Variants in ZFHX3 observed in about 807,000 individuals in gnomAD.
ZFHX3 encodes zinc finger homeobox protein 3.
Under a neutral mutation model 279.1 loss-of-function variants are expected in ZFHX3, and 42 were observed. The observed-to-expected ratio is 0.15, with a 90% CI of 0.12 to 0.19. ZFHX3 has a LOEUF of 0.19. ZFHX3 is among the 10% of genes least tolerant of loss of function. ZFHX3 has a pLI of 1.00. For synonymous variants in ZFHX3, 2,293 were observed against 1,957.8 expected (o/e 1.17, Z -4.52); for missense variants, 4,981 against 4,754.0 (o/e 1.05, Z -1.40).
At chr16:73,371,509 G>A (rs903022246) in intron 3 of ZFHX3, among the ~76,000 whole-genome samples, 1 of 151,602 alleles carries the variant, frequency 6.6e-6, no homozygotes, top group Non-Finnish European at 1.5e-5. Flanking sequence ...TAAAAAAACC[G>A]AGTACCAGGT....
chr16:73,375,453 G>A (rs117310798), intron 3 of ZFHX3, among the ~76,000 whole-genome samples: 96 of 152,200 alleles, frequency 6.3e-4, no homozygotes, highest in Non-Finnish European at 1.1e-3. Context: ...GGATGTTAGG[G>A]TTGGTCACTG....
At chr16:73,507,101 G>C (rs1485174837) in intron 2 of ZFHX3, among the ~76,000 whole-genome samples, 3 of 152,152 alleles carry the variant, frequency 2.0e-5, no homozygotes, top group Non-Finnish European at 4.4e-5. Flanking sequence ...ACCCAGTCCA[G>C]TTTTAGCAAG....
chr16:73,405,909 C>G (rs564807183), intron 3 of ZFHX3, among the ~76,000 whole-genome samples: 2 of 152,316 alleles, frequency 1.3e-5, no homozygotes, highest in South Asian at 4.2e-4. Context: ...GTGGAACACC[C>G]ACAGCAAAAT....
chr16:73,047,457 A>G (rs1326763371), intron 1 of ZFHX3, among the ~76,000 whole-genome samples: 1 of 152,202 alleles, frequency 6.6e-6, no homozygotes, highest in Admixed American at 6.5e-5. Context: ...AAATGACACC[A>G]GTACCACAAG....
At chr16:73,632,418 C>T (rs548087373) in intron 2 of ZFHX3, among the ~76,000 whole-genome samples, 1 of 152,160 alleles carries the variant, frequency 6.6e-6, no homozygotes, top group African/African-American at 2.4e-5. Context: ...TGCGGTGGCT[C>T]ACGCCTGTAA....
chr16:73,261,666 TTG>T (rs1325037850), intron 4 of ZFHX3, among the ~76,000 whole-genome samples: 29 of 119,692 alleles, frequency 2.4e-4, no homozygotes, highest in African/African-American at 7.2e-4. Flanking sequence ...ATTCCTGTGA[TTG>T]TTTTTTTTTT....
chr16:73,834,202 T>C (rs1961077594), intron 1 of ZFHX3, among the ~76,000 whole-genome samples: 1 of 152,164 alleles, frequency 6.6e-6, no homozygotes, highest in African/African-American at 2.4e-5. Flanking sequence ...AGGAAATCAC[T>C]CTCTGGTCTT....
chr16:73,737,816 A>G lies in ZFHX3; in HGVS notation c.-1607-57576T>C, dbSNP rs144501458. Among the ~76,000 whole-genome samples the G allele has an allele frequency of 1.6e-4, 24 of 152,272 alleles. No individual in the cohort carries two copies. The East Asian group carries it at 4.6e-3, about 29-fold the overall frequency. The stretch of plus-strand genomic sequence containing the variant: ...CTGTGGTTTTGTTCTTTGGCTGCTC[A>G]TTAGCACCTCCCCCAGAGAGTGGGC... On this transcript the variant is annotated intron_variant, in intron 1 of 17. Coordinates refer to the ZFHX3 transcript ENST00000641206.
At chr16:73,773,399 T>G (rs1016256732) in intron 1 of ZFHX3, among the ~76,000 whole-genome samples, 1 of 152,224 alleles carries the variant, frequency 6.6e-6, no homozygotes, top group Non-Finnish European at 1.5e-5. Flanking sequence ...TCAGTGGAGA[T>G]GGAGAACAGA....
At chr16:72,936,371 G>A (rs1377465905) in intron 3 of ZFHX3, among the ~76,000 whole-genome samples, 1 of 152,242 alleles carries the variant, frequency 6.6e-6, no homozygotes, top group Non-Finnish European at 1.5e-5. Flanking sequence ...ATGGGGCAAC[G>A]TAGGTCTCTG....
intron 1 of ZFHX3, among the ~76,000 whole-genome samples, chr16:73,728,020 C>CCA (rs1555535437): frequency 5.5e-5 from 5 of 90,594 alleles, no homozygotes; most frequent in African/African-American, 7.7e-5. Flanking sequence ...ATTGTGCCCC[C>CCA]CCCCCGCCCC....
At chr16:73,144,692 G>T (rs918714865) in intron 5 of ZFHX3, among the ~76,000 whole-genome samples, 1 of 152,074 alleles carries the variant, frequency 6.6e-6, no homozygotes, top group African/African-American at 2.4e-5. Flanking sequence ...CCCTAACCTT[G>T]AATAATATTC....
chr16:73,832,440 C>T (rs1382254496), intron 1 of ZFHX3, among the ~76,000 whole-genome samples: 1 of 152,096 alleles, frequency 6.6e-6, no homozygotes, highest in Non-Finnish European at 1.5e-5. Flanking sequence ...GGATAGAAGA[C>T]TGAAAAAAGC....
chr16:73,205,682 C>A (rs2011771082), intron 5 of ZFHX3, among the ~76,000 whole-genome samples: 1 of 152,096 alleles, frequency 6.6e-6, no homozygotes, highest in Non-Finnish European at 1.5e-5. Context: ...TAACATGGTG[C>A]TCATTTTGGC....
intron 2 of ZFHX3, among the ~76,000 whole-genome samples, chr16:73,597,770 AG>A (rs1331312169): frequency 3.3e-5 from 5 of 152,200 alleles, no homozygotes; most frequent in Non-Finnish European, 7.3e-5. Context: ...TCAGACTTCT[AG>A]ACTGCAGAAC....
At chr16:73,590,679 G>A (rs1331412494) in intron 2 of ZFHX3, among the ~76,000 whole-genome samples, 1 of 152,200 alleles carries the variant, frequency 6.6e-6, no homozygotes, top group Non-Finnish European at 1.5e-5. Flanking sequence ...AATTTTACCT[G>A]TAACGAGATA....
chr16:73,244,335 A>T (rs1394522377), intron 5 of ZFHX3, among the ~76,000 whole-genome samples: 1 of 151,820 alleles, frequency 6.6e-6, no homozygotes, highest in African/African-American at 2.4e-5. Flanking sequence ...TCCACTGTGA[A>T]GAAGACAGAT....
At chr16:72,936,870 C>CG in intron 3 of ZFHX3, among the ~76,000 whole-genome samples, 1 of 151,508 alleles carries the variant, frequency 6.6e-6, no homozygotes, top group East Asian at 2.0e-4. Flanking sequence ...AGAGTAGAGG[C>CG]GGGGGAGAGT....
At chr16:73,770,131 T>G (rs572718156) in intron 1 of ZFHX3, among the ~76,000 whole-genome samples, 1 of 152,212 alleles carries the variant, frequency 6.6e-6, no homozygotes, top group Non-Finnish European at 1.5e-5. Flanking sequence ...GATGACCTGA[T>G]GATAGCGAGA....
Sources: allele counts gnomAD v4.1 joint callset (sites outside exome capture counted in the v4.1 genomes callset), GRCh38; gene constraint gnomAD v4.1.1; transcripts MANE v1.5; gene names NCBI Gene and HGNC (gene_info 2026-07-23, HGNC 2026-07-21).